SRBD1: variants seen among roughly 807,000 people sequenced by gnomAD.
SRBD1 encodes the protein S1 RNA binding domain 1.
A neutral mutation model predicts 115.3 loss-of-function variants in SRBD1; 88 were observed. The observed-to-expected ratio is 0.76, with a 90% CI of 0.64 to 0.91. The LOEUF is 0.91. Ranked by LOEUF, SRBD1 falls within the 40% of genes least tolerant of loss-of-function variation. SRBD1 has a pLI of 0.00. For missense variants in SRBD1, 1,385 were observed against 1,177.4 expected, an observed-to-expected ratio of 1.18 and a Z score of -2.58; for synonymous variants, 509 against 407.7, an observed-to-expected ratio of 1.25 and a Z score of -2.99.
chr2:45,461,979 A>G (rs1394581602), intron 16 of SRBD1, among the ~76,000 whole-genome samples: 2 of 152,160 alleles, frequency 1.3e-5, no homozygotes, highest in Non-Finnish European at 2.9e-5. Flanking sequence ...TAGTTCATTT[A>G]CTAAGTTTTT....
In SRBD1 at chr2:45,581,427, G is replaced by A. The variant is rs573091039; in HGVS notation, c.933+266C>T. Among the ~76,000 whole-genome samples the A allele has an allele frequency of 5.1e-4, 77 of 152,126 alleles. 2 individuals are homozygous for A. In the South Asian group the frequency reaches 0.015, roughly 30 times the overall value. ...TTCAGCCCTCTCTGATAAGCTTCAC[G>A]TTTGTATAATCTACTGTCCTTCCCT... On this transcript the variant is annotated intron_variant, in intron 6 of 20. Coordinates refer to ENST00000263736, the MANE Select transcript of SRBD1 (RefSeq NM_018079.5).
intron 4 of SRBD1, among the ~76,000 whole-genome samples, chr2:45,590,138 G>A (rs1673672471): frequency 6.6e-6 from 1 of 152,222 alleles, no homozygotes; most frequent in Non-Finnish European, 1.5e-5. Flanking sequence ...CAGTAATGCT[G>A]AAATATATAA....
At chr2:45,398,714 T>C (rs1667213833) in intron 19 of SRBD1, among the ~76,000 whole-genome samples, 1 of 151,252 alleles carries the variant, frequency 6.6e-6, no homozygotes, top group African/African-American at 2.4e-5. Flanking sequence ...TTTAGGATGA[T>C]CATCTTTTCA....
chr2:45,525,219 G>A (rs1671405236), intron 14 of SRBD1, among the ~76,000 whole-genome samples: 1 of 152,036 alleles, frequency 6.6e-6, no homozygotes, highest in Middle Eastern at 3.2e-3. Flanking sequence ...TCATCTTTAT[G>A]ACGGTGGATT....
At chr2:45,475,418 AC>A (rs965155289) in intron 16 of SRBD1, among the ~76,000 whole-genome samples, 26 of 151,918 alleles carry the variant, frequency 1.7e-4, no homozygotes, top group Admixed American at 1.5e-3. Flanking sequence ...AGATTGTGCC[AC>A]CCCCCCTTGC....
chr2:45,463,281 C>T (rs1669381241), intron 16 of SRBD1, among the ~76,000 whole-genome samples: 1 of 152,150 alleles, frequency 6.6e-6, no homozygotes, highest in African/African-American at 2.4e-5. Context: ...TACCTTAGGC[C>T]TTCCTGCAGG....
intron 19 of SRBD1, among the ~76,000 whole-genome samples, chr2:45,410,342 A>C (rs1404848752): frequency 6.6e-6 from 1 of 152,206 alleles, no homozygotes; most frequent in Non-Finnish European, 1.5e-5. Flanking sequence ...CTGAACTTTC[A>C]TCTACCTCAT....
At chr2:45,422,621 G>T (rs773462094) in intron 16 of SRBD1, among the ~76,000 whole-genome samples, 1 of 152,160 alleles carries the variant, frequency 6.6e-6, no homozygotes. Flanking sequence ...TCAGGAATAG[G>T]TATTTGGTTC....
intron 10 of SRBD1, among the ~76,000 whole-genome samples, chr2:45,561,613 C>A (rs1672666673): frequency 6.6e-6 from 1 of 152,182 alleles, no homozygotes; most frequent in South Asian, 2.1e-4. Context: ...TGCTAGGAAG[C>A]CACTTTACTT....
chr2:45,450,435 C>G (rs1279800019), intron 16 of SRBD1, among the ~76,000 whole-genome samples: 1 of 152,070 alleles, frequency 6.6e-6, no homozygotes, highest in Non-Finnish European at 1.5e-5. Flanking sequence ...CATAATGAAT[C>G]TACAGCTTTA....
At chr2:45,392,024 T>C (rs1247198183) in intron 20 of SRBD1, among the ~76,000 whole-genome samples, 1 of 152,156 alleles carries the variant, frequency 6.6e-6, no homozygotes, top group Non-Finnish European at 1.5e-5. Context: ...TGGATTTGTC[T>C]GCTGAAACAT....
chr2:45,495,587 T>C (rs1455656680), intron 14 of SRBD1, among the ~76,000 whole-genome samples: 2 of 152,090 alleles, frequency 1.3e-5, no homozygotes, highest in Non-Finnish European at 2.9e-5. Flanking sequence ...TGCCATACCA[T>C]AAAGTATTTA....
chr2:45,549,696 C>CAAAAAAAAAAAAA (rs10646755), intron 12 of SRBD1, among the ~76,000 whole-genome samples: 30 of 84,650 alleles, frequency 3.5e-4, no homozygotes, highest in African/African-American at 4.8e-4. Context: ...ACTAAAAATA[C>CAAAAAAAAAAAAA]AAAAAAAAAA....
At chr2:45,529,349 G>C (rs1301412070) in intron 14 of SRBD1, among the ~76,000 whole-genome samples, 2 of 151,720 alleles carry the variant, frequency 1.3e-5, no homozygotes, top group African/African-American at 2.4e-5. Context: ...ATGAAGAGTA[G>C]AAACAAATCA....
intron 15 of SRBD1, among the ~76,000 whole-genome samples, chr2:45,484,237 T>C (rs1024803040): frequency 6.6e-6 from 1 of 152,104 alleles, no homozygotes; most frequent in East Asian, 1.9e-4. Context: ...CTTTAAGTGT[T>C]TTGCCCAGTG....
intron 14 of SRBD1, among the ~76,000 whole-genome samples, chr2:45,500,168 T>C (rs559895646): frequency 5.3e-4 from 81 of 152,182 alleles, no homozygotes; most frequent in African/African-American, 1.8e-3. Flanking sequence ...TTTAATTTCT[T>C]TCACCAGTAT....
intron 9 of SRBD1, among the ~76,000 whole-genome samples, chr2:45,571,517 C>CA (rs58100763): frequency 0.034 from 1,321 of 38,940 alleles, 17 homozygotes; most frequent in Non-Finnish European, 0.047. Flanking sequence ...CAGACTTTAC[C>CA]AAAAAAAAAA....
intron 14 of SRBD1, among the ~76,000 whole-genome samples, chr2:45,522,457 C>T (rs1671315524): frequency 6.6e-6 from 1 of 152,166 alleles, no homozygotes; most frequent in Non-Finnish European, 1.5e-5. Flanking sequence ...GGATTATGGG[C>T]ATGAGCCATG....
chr2:45,445,535 A>G (rs899833367), intron 16 of SRBD1, among the ~76,000 whole-genome samples: 3 of 140,902 alleles, frequency 2.1e-5, no homozygotes, highest in Non-Finnish European at 4.6e-5. Flanking sequence ...CACAGAAGCA[A>G]TATCTTCCCA....
Sources: gnomAD v4.1 joint callset for allele counts (sites outside exome capture counted in the v4.1 genomes callset) on GRCh38, gnomAD v4.1.1 for gene constraint, MANE v1.5 for transcripts, NCBI Gene and HGNC (gene_info 2026-07-23, HGNC 2026-07-21) for gene names.